The following LIPH variants were observed in gnomAD, a reference collection of about 807,000 sequenced individuals.
LIPH encodes lipase member H.
LIPH carries 32 observed loss-of-function variants against 47.6 expected under a neutral mutation model. The observed-to-expected ratio is 0.67, with a 90% CI of 0.51 to 0.90. The LOEUF is 0.90. LIPH is among the 40% of genes least tolerant of loss of function. The pLI, the probability that LIPH is intolerant of heterozygous loss-of-function variation, is 0.00. For missense variants in LIPH, 497 were observed against 541.4 expected, an observed-to-expected ratio of 0.92 and a Z score of 0.81; for synonymous variants, 190 against 195.6, an observed-to-expected ratio of 0.97 and a Z score of 0.24.
chr3:185,543,300 G>A (rs1720770830), intron 1 of LIPH, among the ~76,000 whole-genome samples: 1 of 152,202 alleles, frequency 6.6e-6, no homozygotes, highest in Non-Finnish European at 1.5e-5. Context: ...AGGCTATGAT[G>A]TGCCTTAGAG....
intron 1 of LIPH, among the ~76,000 whole-genome samples, chr3:185,539,380 C>CT (rs1354024227): frequency 1.2e-4 from 17 of 141,736 alleles, no homozygotes; most frequent in African/African-American, 2.3e-4. Flanking sequence ...TTTTTTTTTC[C>CT]TTTTTTTTTG....
At chr3:185,544,335 T>C (rs974394807) in intron 1 of LIPH, among the ~76,000 whole-genome samples, 3 of 151,786 alleles carry the variant, frequency 2.0e-5, no homozygotes, top group African/African-American at 7.3e-5. Flanking sequence ...AATTTTCCTC[T>C]GTTGTTTTTT....
Position 185,552,517 on chromosome 3 carries a change from C to G in LIPH, c.-46G>C, listed in dbSNP as rs757609169. 15 of 1,338,946 alleles carry G rather than the reference C, an allele frequency of 1.1e-5. No homozygotes were observed. Among genetic ancestry groups the G allele is most frequent in the Non-Finnish European group, 1.4e-5 (13 of 929,246 alleles). The allele number at this position is 1,338,946 out of a possible 1,614,324, so 82.9% of individuals were successfully genotyped here. On this transcript the variant is annotated 5_prime_UTR_variant, in exon 1 of 10. Transcript: ENST00000296252. Reference sequence around the variant, plus strand: ...GTGTCACATTCACAAGAATGATTTACTTCGCAGAGGCTTAAGAGTTTCCAC... The same window carrying G: ...GTGTCACATTCACAAGAATGATTTAGTTCGCAGAGGCTTAAGAGTTTCCAC...
chr3:185,544,673 A>G (rs562758446), intron 1 of LIPH, among the ~76,000 whole-genome samples: 1 of 152,038 alleles, frequency 6.6e-6, no homozygotes, highest in East Asian at 1.9e-4. Flanking sequence ...TCTCCTTTTT[A>G]TGTCACTTGC....
chr3:185,543,906 A>T (rs1720790548), intron 1 of LIPH, among the ~76,000 whole-genome samples: 1 of 143,426 alleles, frequency 7.0e-6, no homozygotes, highest in Non-Finnish European at 1.5e-5. Flanking sequence ...GCTGGAGTGC[A>T]ATGGCATGGT....
chr3:185,543,176 T>C (rs371325616), intron 1 of LIPH, among the ~76,000 whole-genome samples: 15 of 151,930 alleles, frequency 9.9e-5, no homozygotes, highest in African/African-American at 3.6e-4. Context: ...GCCACTGCAC[T>C]CCAGCCTGGG....
intron 5 of LIPH, 143 bp downstream of exon 5, chr3:185,523,928 G>T: frequency 1.6e-6 from 1 of 608,986 alleles, no homozygotes. Flanking sequence ...CACTATGTTG[G>T]CCAGGCTCGT....
Position 185,506,824 on chromosome 3 carries a change from T to C in LIPH, c.*1966A>G, listed in dbSNP as rs1577658004. On this transcript the variant is annotated 3_prime_UTR_variant, in exon 10 of 10. Coordinates refer to ENST00000296252, the MANE Select transcript of LIPH (RefSeq NM_139248.3). ...TCCAGCCTGGGTAACAGAAGGAGACTCCATCTAAAAAAAAAAAAAAAAAAA... is the reference window on the plus strand; with the variant it reads ...TCCAGCCTGGGTAACAGAAGGAGACCCCATCTAAAAAAAAAAAAAAAAAAA... 1 of 82,962 alleles carries C rather than the reference T, an allele frequency of 1.2e-5. No homozygotes were observed. The highest frequency in any genetic ancestry group is 5.1e-5 in the African/African-American group (1 of 19,582). The allele number at this position is 82,962 out of a possible 1,614,324, so 5.1% of individuals were successfully genotyped here.
chr3:185,533,451 CAGAG>C (rs1176717701), intron 3 of LIPH, 116 bp downstream of exon 3: 2 of 765,828 alleles, frequency 2.6e-6, no homozygotes, highest in African/African-American at 1.7e-5. Flanking sequence ...GACCCACACT[CAGAG>C]AGGTTAGGTA....
intron 5 of LIPH, among the ~76,000 whole-genome samples, chr3:185,523,804 CCT>C (rs200946240): frequency 0.021 from 1,496 of 69,776 alleles, 30 homozygotes; most frequent in African/African-American, 0.053. Context: ...CTCACCGCAA[CCT>C]CTGTCTCCCA....
intron 3 of LIPH, among the ~76,000 whole-genome samples, chr3:185,529,212 A>G (rs1720230244): frequency 6.7e-6 from 1 of 148,832 alleles, no homozygotes. Flanking sequence ...AAAAAGAAAA[A>G]GAAAGAAAAA....
At chr3:185,514,285 C>T in intron 8 of LIPH, 125 bp downstream of exon 8, 1 of 688,218 alleles carries the variant, frequency 1.5e-6, no homozygotes, top group East Asian at 2.7e-5. Context: ...AATAGTTCCC[C>T]TTATATCTTT....
At chr3:185,547,342 G>T (rs758171429) in intron 1 of LIPH, among the ~76,000 whole-genome samples, 2 of 152,090 alleles carry the variant, frequency 1.3e-5, no homozygotes, top group African/African-American at 2.4e-5. Flanking sequence ...GTAGTGCCCA[G>T]TCAGGAAGTA....
Position 185,535,032 on chromosome 3 carries a change from G to A in LIPH, c.150C>T (p.Asn50=). The part of the protein sequence containing the change: ...NVRLMLYTRK[N]LTCAQTINSS... ...AGTTGATGGTTTGTGCGCAGGTCAG[G>A]TTTTTCCTTGTGTAGAGCATCAGCC... The change falls in exon 2 of 10, where the codon AAC becomes AAT. Residue 50 remains asparagine (N), a synonymous_variant. Coordinates refer to ENST00000296252, the MANE Select transcript of LIPH (RefSeq NM_139248.3). 5.6e-6 allele frequency: 9 copies of A among 1,613,664 alleles called. No individual in the cohort carries two copies. The highest frequency in any genetic ancestry group is 7.6e-6 in the Non-Finnish European group (9 of 1,179,778).
intron 1 of LIPH, among the ~76,000 whole-genome samples, chr3:185,540,521 C>G (rs1440083428): frequency 6.6e-6 from 1 of 152,100 alleles, no homozygotes; most frequent in East Asian, 1.9e-4. Flanking sequence ...AGTTCAAGAC[C>G]AGCCTGACCA....
At chr3:185,526,986 T>G (rs1372730056) in intron 4 of LIPH, among the ~76,000 whole-genome samples, 2 of 152,160 alleles carry the variant, frequency 1.3e-5, no homozygotes, top group Admixed American at 1.3e-4. Context: ...ACGCCTGTAA[T>G]CCCAGCACTT....
At chr3:185,552,396 A>T in intron 1 of LIPH, 27 bp downstream of exon 1, 1 of 1,530,164 alleles carries the variant, frequency 6.5e-7, no homozygotes, top group Non-Finnish European at 9.1e-7. Context: ...TTAAGCAGTT[A>T]AGAAAACCAG....
At chr3:185,543,032 A>C (rs1720761303) in intron 1 of LIPH, among the ~76,000 whole-genome samples, 1 of 151,592 alleles carries the variant, frequency 6.6e-6, no homozygotes, top group Non-Finnish European at 1.5e-5. Flanking sequence ...AACATGGCAA[A>C]ACCCCGTCTC....
intron 6 of LIPH, 80 bp from the exon 7 acceptor site, chr3:185,517,242 A>C: frequency 1.2e-6 from 1 of 807,974 alleles, no homozygotes; most frequent in South Asian, 1.4e-5. Flanking sequence ...AAGAACATTG[A>C]GTTTGACTGT....
Sources: gnomAD v4.1 joint callset for allele counts (sites outside exome capture counted in the v4.1 genomes callset) on GRCh38, gnomAD v4.1.1 for gene constraint, MANE v1.5 for transcripts, NCBI Gene and HGNC (gene_info 2026-07-23, HGNC 2026-07-21) for gene names.